RAD54L2: variants seen among roughly 807,000 people sequenced by gnomAD.
RAD54L2 encodes the protein RAD54 like 2, also known as helicase ARIP4.
RAD54L2 carries 27 observed loss-of-function variants against 138.4 expected under a neutral mutation model. The ratio of observed to expected loss-of-function variants is 0.20; its 90% CI spans 0.14 to 0.27. The LOEUF (loss-of-function observed/expected upper bound fraction) is 0.27, where lower values mean the gene tolerates loss of function less well. RAD54L2 is among the 10% of genes least tolerant of loss of function. The pLI is 1.00. For missense variants in RAD54L2, 1,396 were observed against 1,890.2 expected, an observed-to-expected ratio of 0.74 and a Z score of 4.85; for synonymous variants, 644 against 723.2, an observed-to-expected ratio of 0.89 and a Z score of 1.76.
In RAD54L2 at chr3:51,598,149, A is replaced by G. The variant is rs368085416; in HGVS notation, c.139+7590A>G. Reference sequence around the variant, plus strand: ...TATATATATATGTGTGTATATATATATGTGTGTGTGTGTGTGTGTGTGTGT... The same window carrying G: ...TATATATATATGTGTGTATATATATGTGTGTGTGTGTGTGTGTGTGTGTGT... On this transcript the variant is annotated intron_variant, in intron 3 of 22. Transcript: ENST00000684192. 1.2e-3 allele frequency among the ~76,000 whole-genome samples: 157 copies of G among 128,430 alleles called. 1 individual carries two copies. Among genetic ancestry groups the G allele is most frequent in the Middle Eastern group, 3.9e-3 (1 of 256 alleles). The allele number at this position is 128,430 out of a possible 152,430, so 84.3% of individuals were successfully genotyped here. A position where few individuals can be genotyped will look rare whatever the true frequency, so the allele number is the denominator to read the frequency against.
intron 3 of RAD54L2, among the ~76,000 whole-genome samples, chr3:51,604,680 C>T (rs1321459947): frequency 6.6e-6 from 1 of 152,120 alleles, no homozygotes; most frequent in Non-Finnish European, 1.5e-5. Flanking sequence ...GACTAAATAG[C>T]GGAAGAAGGA....
chr3:51,632,713 G>A (rs1487865976), intron 7 of RAD54L2, among the ~76,000 whole-genome samples: 2 of 147,326 alleles, frequency 1.4e-5, no homozygotes, highest in Non-Finnish European at 3.0e-5. Context: ...CCAACATGGT[G>A]AAACCCCGTC....
intron 3 of RAD54L2, among the ~76,000 whole-genome samples, chr3:51,593,537 TTA>T (rs1699885858): frequency 6.6e-6 from 1 of 152,122 alleles, no homozygotes; most frequent in Non-Finnish European, 1.5e-5. Context: ...TCTCACCGTG[TTA>T]GCCAGAATGG....
rs1179118451 is a variant in RAD54L2, at chr3:51,541,632, C to A, written c.-73C>A. The A allele has an allele frequency of 2.0e-5, 3 of 152,164 alleles. No individual in the cohort carries two copies. Among genetic ancestry groups the A allele is most frequent in the African/African-American group, 7.2e-5 (3 of 41,440 alleles). The allele number at this position is 152,164 out of a possible 1,614,324, so 9.4% of individuals were successfully genotyped here. On this transcript the variant is annotated 5_prime_UTR_variant, in exon 2 of 23. Coordinates refer to ENST00000684192, the MANE Select transcript of RAD54L2 (RefSeq NM_015106.4). Reference sequence around the variant, plus strand: ...TCACTTGGAGTGCTGTCCCTTGGAACAGGAGGAGTAAGATTGAGGTAAGGC... The same window carrying A: ...TCACTTGGAGTGCTGTCCCTTGGAAAAGGAGGAGTAAGATTGAGGTAAGGC...
chr3:51,607,625 C>T (rs1207483598), intron 3 of RAD54L2, among the ~76,000 whole-genome samples: 3 of 152,242 alleles, frequency 2.0e-5, no homozygotes, highest in African/African-American at 4.8e-5. Context: ...GTTGGGTACA[C>T]CTCCCAGACG....
At chr3:51,635,464 G>GT in intron 9 of RAD54L2, 129 bp from the exon 10 acceptor site, 1 of 1,027,976 alleles carries the variant, frequency 9.7e-7, no homozygotes, top group East Asian at 2.8e-5. Context: ...GAAATCTTTG[G>GT]TAATAAGAAG....
At chr3:51,601,933 TG>T (rs1442476714) in intron 3 of RAD54L2, among the ~76,000 whole-genome samples, 1 of 151,908 alleles carries the variant, frequency 6.6e-6, no homozygotes, top group Non-Finnish European at 1.5e-5. Flanking sequence ...CTCGGCTTAC[TG>T]CAACCTCTGC....
intron 16 of RAD54L2, 56 bp downstream of exon 16, chr3:51,644,030 T>C: frequency 1.4e-6 from 2 of 1,397,704 alleles, no homozygotes; most frequent in Non-Finnish European, 2.0e-6. Context: ...GTTGGCCACC[T>C]GGGCTGGTAC....
Position 51,662,874 on chromosome 3 carries a change from C to A in RAD54L2, c.3858C>A (p.His1286Gln). The A allele has an allele frequency of 1.9e-6, 3 of 1,613,750 alleles. No individual in the cohort carries two copies. Among genetic ancestry groups the A allele is most frequent in the African/African-American group, 2.7e-5 (2 of 75,052 alleles). ...CAGCCCCCGTGCAGCCGTATGAACA[C>A]GGGTATCCAGTCTCTGGCGGGTTTG... ...HLPAPVQPYEHGYPVSGGFAM... is the reference protein window; with the variant it reads ...HLPAPVQPYEQGYPVSGGFAM... The change falls in exon 23 of 23, where the codon CAC becomes CAA. Residue 1286 changes from histidine (H) to glutamine (Q), a missense_variant. By Grantham distance (24) the His-to-Gln change is conservative. Coordinates refer to ENST00000684192, the MANE Select transcript of RAD54L2 (RefSeq NM_015106.4). The surrounding 1 kb of genome is among the most constrained non-coding windows in gnomAD (Gnocchi z 4.6).
At chr3:51,624,580 A>G (rs762344748) in intron 3 of RAD54L2, among the ~76,000 whole-genome samples, 23 of 152,036 alleles carry the variant, frequency 1.5e-4, no homozygotes, top group Non-Finnish European at 7.4e-5. Context: ...AATTTAGGCT[A>G]TCTTATAAAA....
rs1700997988 is a variant in RAD54L2 at position 51,637,024 on chromosome 3, C to T, written c.1340-137C>T. ...GGAGCTTGAATGGCTGGCACCCTCT[C>T]ACCAAGGGGGGCTGACTCTTGCTTT... is the stretch of plus-strand genomic sequence containing the variant. On this transcript the variant is annotated intron_variant, in intron 10 of 22. Coordinates refer to ENST00000684192, the MANE Select transcript of RAD54L2 (RefSeq NM_015106.4). This position sits in a 1 kb window ranked among gnomAD's most constrained non-coding sequence, Gnocchi z 5.9. 1 of 751,144 alleles carries T rather than the reference C, an allele frequency of 1.3e-6. No homozygotes were observed. The highest frequency in any genetic ancestry group is 2.7e-5 in the East Asian group (1 of 37,018). 46.5% of individuals were successfully genotyped at this position (751,144 alleles called of 1,614,324 possible). A position where few individuals can be genotyped will look rare whatever the true frequency, so the allele number is the denominator to read the frequency against.
At chr3:51,622,463 A>G (rs369015150) in intron 3 of RAD54L2, among the ~76,000 whole-genome samples, 10 of 152,184 alleles carry the variant, frequency 6.6e-5, no homozygotes, top group African/African-American at 2.4e-4. Context: ...CATCATGAGC[A>G]TTTCTTGTCT....
At chr3:51,627,511 C>T (rs781383504) in intron 3 of RAD54L2, 42 bp from the exon 4 acceptor site, 2 of 1,531,668 alleles carry the variant, frequency 1.3e-6, no homozygotes, top group Non-Finnish European at 1.8e-6. Flanking sequence ...ACTCATTCCC[C>T]CTCACCCCTA....
chr3:51,547,029 G>C (rs1436415426), intron 2 of RAD54L2, among the ~76,000 whole-genome samples: 1 of 151,740 alleles, frequency 6.6e-6, no homozygotes, highest in Non-Finnish European at 1.5e-5. Flanking sequence ...ACTTGACTCT[G>C]TCTTTAAACA....
intron 2 of RAD54L2, among the ~76,000 whole-genome samples, chr3:51,572,933 T>G (rs1430018898): frequency 6.6e-6 from 1 of 152,030 alleles, no homozygotes; most frequent in Admixed American, 6.6e-5. Flanking sequence ...CCACTGTGCC[T>G]GGCAAAAGGT....
At chr3:51,661,744 A>G (rs1577473875) in intron 22 of RAD54L2, among the ~76,000 whole-genome samples, 1 of 152,372 alleles carries the variant, frequency 6.6e-6, no homozygotes, top group East Asian at 1.9e-4. Context: ...CCCTGCACCT[A>G]GATTTAATGA....
intron 16 of RAD54L2, among the ~76,000 whole-genome samples, chr3:51,644,716 TC>T (rs1343385733): frequency 6.6e-6 from 1 of 152,160 alleles, no homozygotes; most frequent in Non-Finnish European, 1.5e-5. Context: ...AGTGGAAACA[TC>T]TGTGTGCAGA....
At chr3:51,597,060 G>C (rs1247423971) in intron 3 of RAD54L2, among the ~76,000 whole-genome samples, 4 of 151,388 alleles carry the variant, frequency 2.6e-5, no homozygotes, top group Non-Finnish European at 5.9e-5. Flanking sequence ...AGCTACTTGG[G>C]AGGCTGAGAC....
chr3:51,637,852 G>A lies in RAD54L2; in HGVS notation c.1683-292G>A, dbSNP rs972366841. 1.3e-5 allele frequency among the ~76,000 whole-genome samples: 2 copies of A among 152,230 alleles called. No individual in the cohort carries two copies. The highest frequency in any genetic ancestry group is 6.5e-5 in the Admixed American group (1 of 15,290). On this transcript the variant is annotated intron_variant, in intron 11 of 22. Coordinates refer to ENST00000684192, the MANE Select transcript of RAD54L2 (RefSeq NM_015106.4). The surrounding 1 kb of genome is among the most constrained non-coding windows in gnomAD (Gnocchi z 5.9). ...TCCTTGTTGAGATGGCATATGGAGC[G>A]AAAGCTCAGAGAGGCAGCCCAAATT...
Sources: allele counts gnomAD v4.1 joint callset (sites outside exome capture counted in the v4.1 genomes callset), GRCh38; gene constraint gnomAD v4.1.1; non-coding constraint Gnocchi (gnomAD v3.1); transcripts MANE v1.5; gene names NCBI Gene and HGNC (gene_info 2026-07-23, HGNC 2026-07-21).